Variants in WNT3 observed in about 807,000 individuals in gnomAD.
WNT3 encodes Wnt family member 3.
In WNT3, 7 loss-of-function variants were observed where a neutral mutation model predicts 34.2. The ratio of observed to expected loss-of-function variants is 0.20; its 90% CI spans 0.12 to 0.38. WNT3 has a LOEUF of 0.38. Ranked by LOEUF, WNT3 falls within the 10% of genes least tolerant of loss-of-function variation. WNT3 has a pLI of 1.00. For synonymous variants in WNT3, 212 were observed against 211.5 expected (o/e 1.00, Z -0.02); for missense variants, 267 against 499.8 (o/e 0.53, Z 4.44).
chr17:46,794,752 C>CTT lies in WNT3; in HGVS notation c.81-20845_81-20844dup, dbSNP rs5820620. Among the ~76,000 whole-genome samples, 529 of 129,274 alleles carry CTT rather than the reference C, an allele frequency of 4.1e-3. 6 individuals are homozygous for CTT. The highest frequency in any genetic ancestry group is 0.015 in the African/African-American group (498 of 34,192). 84.8% of individuals were successfully genotyped at this position (129,274 alleles called of 152,430 possible). The stretch of plus-strand genomic sequence containing the variant: ...TTCTTTTCTTTCTTTCTTTCTTTTT[C>CTT]TTTTTTTTTTTTTTTTTTAACAGAT... On this transcript the variant is annotated intron_variant, in intron 1 of 4. Coordinates refer to ENST00000225512, the MANE Select transcript of WNT3 (RefSeq NM_030753.5).
intron 1 of WNT3, among the ~76,000 whole-genome samples, chr17:46,780,649 G>A (rs995331668): frequency 5.3e-5 from 8 of 152,260 alleles, no homozygotes; most frequent in African/African-American, 1.9e-4. Flanking sequence ...GGTGGCAGGC[G>A]CCTGTAGCCC....
chr17:46,788,220 T>C (rs971966203), intron 1 of WNT3, among the ~76,000 whole-genome samples: 2 of 152,226 alleles, frequency 1.3e-5, no homozygotes, highest in African/African-American at 4.8e-5. Context: ...CTCCACTAAG[T>C]GGAATTCTAA....
At chr17:46,770,456 G>A (rs1294971072) in intron 2 of WNT3, among the ~76,000 whole-genome samples, 1 of 152,118 alleles carries the variant, frequency 6.6e-6, no homozygotes, top group African/African-American at 2.4e-5. Context: ...GCCCTCCCAC[G>A]CCTGAGTGAG....
At position 46,764,351 on chromosome 17, in the gene WNT3, G is replaced by C. The variant is rs1214440991; in HGVS notation, c.*279C>G. ...TTAACATGTGCAAAGATAAGCCTCA[G>C]GTCTGTTCCTATCAGACCCTAGAGA... On this transcript the variant is annotated 3_prime_UTR_variant, in exon 5 of 5. Coordinates refer to ENST00000225512, the MANE Select transcript of WNT3 (RefSeq NM_030753.5). The C allele has an allele frequency of 1.3e-5, 2 of 152,542 alleles. No homozygotes were observed. Among genetic ancestry groups the C allele is most frequent in the African/African-American group, 4.8e-5 (2 of 41,412 alleles). 9.4% of individuals were successfully genotyped at this position (152,542 alleles called of 1,614,324 possible).
intron 1 of WNT3, among the ~76,000 whole-genome samples, chr17:46,796,982 G>T (rs576998850): frequency 1.1e-3 from 170 of 152,294 alleles, no homozygotes; most frequent in African/African-American, 3.6e-3. Flanking sequence ...ATAGGCAGGA[G>T]AATCTTCTCG....
Position 46,768,865 on chromosome 17 carries a change from C to T in WNT3, c.589-66G>A. 6.3e-7 allele frequency: 1 copy of T among 1,574,986 alleles called. No homozygotes were observed. ...ACGAGGGGGCACATCCAGGCCTTCC[C>T]TCTCTGCCACTGCCCACCCCCTTCC... On this transcript the variant is annotated intron_variant, in intron 3 of 4. Transcript: ENST00000225512. This position sits in a 1 kb window ranked among gnomAD's most constrained non-coding sequence, Gnocchi z 5.0.
chr17:46,788,920 C>T (rs533686393), intron 1 of WNT3, among the ~76,000 whole-genome samples: 1 of 152,084 alleles, frequency 6.6e-6, no homozygotes, highest in Non-Finnish European at 1.5e-5. Context: ...CTGCTAGCTC[C>T]ACAGTTTGGG....
chr17:46,795,784 T>C (rs1360858401), intron 1 of WNT3, among the ~76,000 whole-genome samples: 1 of 152,142 alleles, frequency 6.6e-6, no homozygotes, highest in African/African-American at 2.4e-5. Flanking sequence ...GTCATGAAGG[T>C]GCTAGTAACC....
intron 1 of WNT3, among the ~76,000 whole-genome samples, chr17:46,801,319 G>A (rs562990342): frequency 5.5e-4 from 84 of 152,252 alleles, no homozygotes; most frequent in African/African-American, 1.9e-3. Context: ...TAATTAGACC[G>A]TTTAAAAATG....
intron 1 of WNT3, among the ~76,000 whole-genome samples, chr17:46,782,788 G>T (rs906530839): frequency 1.3e-5 from 2 of 152,226 alleles, no homozygotes; most frequent in Non-Finnish European, 2.9e-5. Context: ...CAGGGAGCTT[G>T]TGACAAAACC....
intron 4 of WNT3, among the ~76,000 whole-genome samples, chr17:46,767,239 C>A (rs1007066360): frequency 6.6e-6 from 1 of 152,122 alleles, no homozygotes; most frequent in Non-Finnish European, 1.5e-5. Flanking sequence ...GGAACAAAAT[C>A]CACCCGCCTT....
At chr17:46,794,590 A>T (rs983626035) in intron 1 of WNT3, among the ~76,000 whole-genome samples, 4 of 152,114 alleles carry the variant, frequency 2.6e-5, no homozygotes, top group Non-Finnish European at 5.9e-5. Flanking sequence ...GAGGATAAAA[A>T]TCTAAAATTC....
intron 1 of WNT3, among the ~76,000 whole-genome samples, chr17:46,800,250 A>G (rs2084107172): frequency 6.6e-6 from 1 of 152,120 alleles, no homozygotes; most frequent in Non-Finnish European, 1.5e-5. Context: ...AGCTGGCATT[A>G]CAGCTGCCCA....
chr17:46,773,530 T>C, intron 2 of WNT3, 138 bp downstream of exon 2: 2 of 992,868 alleles, frequency 2.0e-6, no homozygotes, highest in South Asian at 1.7e-5. Flanking sequence ...GGTGTGGCAG[T>C]CATGCAACCA....
chr17:46,779,345 C>G (rs1174437762), intron 1 of WNT3, among the ~76,000 whole-genome samples: 2 of 152,196 alleles, frequency 1.3e-5, no homozygotes, highest in Non-Finnish European at 2.9e-5. Context: ...CTGCCTGGCA[C>G]TGACAGCTGG....
intron 1 of WNT3, among the ~76,000 whole-genome samples, chr17:46,802,982 C>G (rs1431712059): frequency 6.6e-6 from 1 of 152,124 alleles, no homozygotes. Flanking sequence ...TGTAAAGCAG[C>G]CTGGGGCTTG....
At chr17:46,810,093 G>A (rs1326887537) in intron 1 of WNT3, among the ~76,000 whole-genome samples, 2 of 141,942 alleles carry the variant, frequency 1.4e-5, no homozygotes, top group South Asian at 2.3e-4. Context: ...TGCAACCTCC[G>A]CCTCCCAGGT....
At chr17:46,773,334 C>T (rs552980537) in intron 2 of WNT3, among the ~76,000 whole-genome samples, 1 of 152,234 alleles carries the variant, frequency 6.6e-6, no homozygotes, top group East Asian at 1.9e-4. Context: ...ACCCCCACCC[C>T]AAAGCGGTAT....
chr17:46,768,495 C>T lies in WNT3; in HGVS notation c.893G>A (p.Arg298Gln), dbSNP rs2059334889. 6.2e-7 allele frequency: 1 copy of T among 1,614,192 alleles called. No homozygotes were observed. Among genetic ancestry groups the T allele is most frequent in the Non-Finnish European group, 8.5e-7 (1 of 1,180,046 alleles). The change falls in exon 4 of 5, where the codon CGG (arginine) becomes CAG (glutamine). Residue 298 changes from arginine (R) to glutamine (Q), a missense_variant. Physicochemically the swap from Arg to Gln is conservative, Grantham distance 43. This residue lies in a region of WNT3 where 60 missense variants were observed against 82.7 expected (regional missense o/e 0.73). Transcript: ENST00000225512. The surrounding 1 kb of genome is among the most constrained non-coding windows in gnomAD (Gnocchi z 5.0). ...GCCGTGGGAGGTGACATTGCAAGTC[C>T]GGTCCCTTGTGCCAAAGGAACCCGT... Reference protein sequence around the residue: ...PETGSFGTRDRTCNVTSHGID... With the variant: ...PETGSFGTRDQTCNVTSHGID...
Sources: allele counts gnomAD v4.1 joint callset (sites outside exome capture counted in the v4.1 genomes callset), GRCh38; gene constraint gnomAD v4.1.1; regional missense constraint gnomAD v4.1.1; non-coding constraint Gnocchi (gnomAD v3.1); transcripts MANE v1.5; gene names NCBI Gene and HGNC (gene_info 2026-07-23, HGNC 2026-07-21).